The following NEK10 variants were observed in gnomAD, a reference collection of about 807,000 sequenced individuals.
The protein encoded by NEK10 is serine/threonine-protein kinase Nek10.
In NEK10, 122 loss-of-function variants were observed where a neutral mutation model predicts 159.8. That is an observed-to-expected ratio of 0.76 (90% CI 0.66 to 0.89). The LOEUF is 0.89. Among genes scored for constraint, NEK10 ranks in the 40% least tolerant of loss-of-function variants. The pLI, the probability that NEK10 is intolerant of heterozygous loss-of-function variation, is 0.00. For synonymous variants in NEK10, 466 were observed against 457.1 expected, an observed-to-expected ratio of 1.02 and a Z score of -0.25; for missense variants, 1,342 against 1,323.1, an observed-to-expected ratio of 1.01 and a Z score of -0.22.
At chr3:27,115,436 A>C (rs962518750) in intron 35 of NEK10, among the ~76,000 whole-genome samples, 1 of 152,158 alleles carries the variant, frequency 6.6e-6, no homozygotes, top group Admixed American at 6.6e-5. Flanking sequence ...CAGTAAATGG[A>C]GGTTTTTTAT....
chr3:27,267,999 T>G (rs1241926966), intron 22 of NEK10, among the ~76,000 whole-genome samples: 1 of 152,172 alleles, frequency 6.6e-6, no homozygotes, highest in Non-Finnish European at 1.5e-5. Flanking sequence ...AACAGCCTTA[T>G]TGCTGATAAA....
At chr3:27,265,749 C>T (rs1394167147) in intron 22 of NEK10, 1 of 149,406 alleles carries the variant, frequency 6.7e-6, no homozygotes, top group Non-Finnish European at 1.5e-5. Context: ...TATTTATTTT[C>T]TTATTTTTAA....
At chr3:27,256,536 A>G (rs1419422202) in intron 22 of NEK10, among the ~76,000 whole-genome samples, 165 bp from the exon 23 acceptor site, 1 of 152,236 alleles carries the variant, frequency 6.6e-6, no homozygotes, top group Non-Finnish European at 1.5e-5. Context: ...ATTTTAAAAA[A>G]ACATAAAATA....
chr3:27,302,093 T>A (rs2043873662), intron 12 of NEK10, among the ~76,000 whole-genome samples: 2 of 152,322 alleles, frequency 1.3e-5, no homozygotes, highest in South Asian at 2.1e-4. Context: ...GTTTTTGAAT[T>A]TTCTATTTTC....
At chr3:27,141,891 C>T (rs991477865) in intron 30 of NEK10, among the ~76,000 whole-genome samples, 3 of 152,168 alleles carry the variant, frequency 2.0e-5, no homozygotes, top group Non-Finnish European at 4.4e-5. Flanking sequence ...GCCTTAGATA[C>T]AGTAGCCACT....
At chr3:27,347,535 CA>C (rs1457773188) in intron 3 of NEK10, among the ~76,000 whole-genome samples, 1 of 130,798 alleles carries the variant, frequency 7.6e-6, no homozygotes, top group Non-Finnish European at 1.6e-5. Flanking sequence ...AAAAAGACAT[CA>C]TTTTTTTATT....
At chr3:27,339,360 C>G (rs1188238455) in intron 5 of NEK10, among the ~76,000 whole-genome samples, 1 of 152,064 alleles carries the variant, frequency 6.6e-6, no homozygotes. Flanking sequence ...AAGAAAAAAA[C>G]AAACAACCCT....
intron 5 of NEK10, among the ~76,000 whole-genome samples, chr3:27,343,008 A>T (rs2047307376): frequency 6.6e-6 from 1 of 152,146 alleles, no homozygotes; most frequent in Admixed American, 6.6e-5. Flanking sequence ...CCAATTACAT[A>T]ACCTTGGTAA....
At chr3:27,115,221 T>G (rs188749485) in intron 35 of NEK10, among the ~76,000 whole-genome samples, 1 of 152,326 alleles carries the variant, frequency 6.6e-6, no homozygotes, top group African/African-American at 2.4e-5. Flanking sequence ...ATTTCCCCAG[T>G]GGGATCAGGC....
chr3:27,115,896 C>T, intron 35 of NEK10, 44 bp downstream of exon 35: 1 of 1,384,426 alleles, frequency 7.2e-7, no homozygotes. Flanking sequence ...CATCTGATGA[C>T]CTCAATTCAT....
At chr3:27,175,496 A>G (rs2148888116) in intron 26 of NEK10, among the ~76,000 whole-genome samples, 1 of 152,356 alleles carries the variant, frequency 6.6e-6, no homozygotes, top group East Asian at 1.9e-4. Flanking sequence ...TAATAGTATT[A>G]GAAACTGCAA....
At chr3:27,264,946 T>A (rs1369817654) in intron 22 of NEK10, among the ~76,000 whole-genome samples, 3 of 151,264 alleles carry the variant, frequency 2.0e-5, no homozygotes, top group Non-Finnish European at 4.4e-5. Context: ...ATAATAATTT[T>A]AAAAAATCAT....
rs148181213 is a variant in NEK10 at position 27,200,127 on chromosome 3, A to G, written c.2291+1383T>C. Among the ~76,000 whole-genome samples, 444 of 152,308 alleles carry G rather than the reference A, an allele frequency of 2.9e-3. 4 individuals are homozygous for G. The highest frequency in any genetic ancestry group is 9.0e-3 in the African/African-American group (376 of 41,564). On this transcript the variant is annotated intron_variant, in intron 25 of 35. Transcript: ENST00000691995. Reference sequence around the variant, plus strand: ...GAACTTAAAAATTTTAAAAAAATCAATTAAAAAAATAAGACTGTAGATTAG... The same window carrying G: ...GAACTTAAAAATTTTAAAAAAATCAGTTAAAAAAATAAGACTGTAGATTAG...
chr3:27,356,098 T>C (rs1388110157), intron 1 of NEK10, among the ~76,000 whole-genome samples: 1 of 152,026 alleles, frequency 6.6e-6, no homozygotes, highest in African/African-American at 2.4e-5. Context: ...AAAGTGTGAC[T>C]CCCAGAGAAA....
chr3:27,121,139 C>T (rs1156811868), intron 32 of NEK10, among the ~76,000 whole-genome samples: 2 of 152,100 alleles, frequency 1.3e-5, no homozygotes, highest in Admixed American at 6.5e-5. Context: ...TAAGAATATT[C>T]ATGCCATCTT....
Position 27,271,996 on chromosome 3 carries a change from C to T in NEK10, c.2014+12606G>A, listed in dbSNP as rs565843393. Reference sequence around the variant, plus strand: ...AAGTTGTGTGTGCTTTGGCTGAGTCCCTAGATTCTTGCTCTCTGGTTTTCA... The same window carrying T: ...AAGTTGTGTGTGCTTTGGCTGAGTCTCTAGATTCTTGCTCTCTGGTTTTCA... On this transcript the variant is annotated intron_variant, in intron 22 of 35. Transcript: ENST00000691995. Among the ~76,000 whole-genome samples the T allele has an allele frequency of 8.5e-5, 13 of 152,208 alleles. No homozygotes were observed. In the South Asian group the frequency reaches 2.5e-3, roughly 29 times the overall value.
In NEK10 at chr3:27,108,062, T is replaced by C. The variant is rs945367815; in HGVS notation, c.*3210A>G. Among the ~76,000 whole-genome samples the C allele has an allele frequency of 6.6e-6, 1 of 152,248 alleles. No individual in the cohort carries two copies. Among genetic ancestry groups the C allele is most frequent in the Non-Finnish European group, 1.5e-5 (1 of 68,040 alleles). On this transcript the variant is annotated 3_prime_UTR_variant, in exon 36 of 36. Transcript: ENST00000691995. ...TTAATTAATGATATTTCTGGAATTG[T>C]ACATAATCAGACCTGTATTTGTTTT...
chr3:27,273,875 G>A (rs1046627183), intron 22 of NEK10, among the ~76,000 whole-genome samples: 2 of 151,980 alleles, frequency 1.3e-5, no homozygotes, highest in Non-Finnish European at 2.9e-5. Context: ...AGTGAGGGAC[G>A]GGAAGGAGTT....
chr3:27,344,447 A>G, intron 4 of NEK10, 77 bp from the exon 5 acceptor site: 1 of 699,694 alleles, frequency 1.4e-6, no homozygotes, highest in South Asian at 1.7e-5. Context: ...GACAAAGATC[A>G]TCTATATTCA....
Sources: allele counts gnomAD v4.1 joint callset (sites outside exome capture counted in the v4.1 genomes callset), GRCh38; gene constraint gnomAD v4.1.1; transcripts MANE v1.5; gene names NCBI Gene and HGNC (gene_info 2026-07-23, HGNC 2026-07-21).